Variants in CHD6 observed in about 807,000 individuals in gnomAD.
CHD6 encodes chromodomain helicase DNA binding protein 6.
Under a neutral mutation model 276.9 loss-of-function variants are expected in CHD6, and 50 were observed. That is an observed-to-expected ratio of 0.18 (90% CI 0.14 to 0.23). CHD6 has a LOEUF of 0.23. Among genes scored for constraint, CHD6 ranks in the 10% least tolerant of loss-of-function variants. The pLI is 1.00. For missense variants in CHD6, 2,564 were observed against 3,365.8 expected, an observed-to-expected ratio of 0.76 and a Z score of 5.89; for synonymous variants, 1,173 against 1,229.3, an observed-to-expected ratio of 0.95 and a Z score of 0.96.
At chr20:41,414,952 T>C (rs2145418685) in intron 34 of CHD6, 1 of 1,370,486 alleles carries the variant, frequency 7.3e-7, no homozygotes, top group East Asian at 2.8e-5. Flanking sequence ...CTATTTGAAA[T>C]GGCAAGACCT....
At chr20:41,512,487 G>C (rs1306453510) in intron 5 of CHD6, among the ~76,000 whole-genome samples, 1 of 151,564 alleles carries the variant, frequency 6.6e-6, no homozygotes, top group Admixed American at 6.6e-5. Flanking sequence ...GTCACGTAAA[G>C]CATCCCAAGC....
intron 5 of CHD6, among the ~76,000 whole-genome samples, 175 bp downstream of exon 5, chr20:41,512,671 G>A (rs2044149275): frequency 6.6e-6 from 1 of 152,150 alleles, no homozygotes; most frequent in Non-Finnish European, 1.5e-5. Context: ...GGGTCCTGCT[G>A]AGCACAGTAA....
rs1440442867 is a variant in CHD6 at position 41,421,031 on chromosome 20, TTCC to T, written c.5601_5603del (p.Glu1872del). On this transcript the variant is annotated inframe_deletion, in exon 31 of 37. Coordinates refer to ENST00000373233, the MANE Select transcript of CHD6 (RefSeq NM_032221.5). The stretch of plus-strand genomic sequence containing the variant: ...TTTCCTCCTCGTTTTCCTCCTCTTC[TTCC>T]TCCTCATCACTGTGGTTCTGACTCA... 4 of 1,613,822 alleles carry T rather than the reference TTCC, an allele frequency of 2.5e-6. No homozygotes were observed. Among genetic ancestry groups the T allele is most frequent in the Non-Finnish European group, 3.4e-6 (4 of 1,179,968 alleles).
rs954953041 is a variant in CHD6 at position 41,414,788 on chromosome 20, C to T, written c.6939+398G>A. 4 of 1,082,112 alleles carry T rather than the reference C, an allele frequency of 3.7e-6. No homozygotes were observed. The African/African-American group carries it at 6.5e-5, about 18-fold the overall frequency. 67.0% of individuals were successfully genotyped at this position (1,082,112 alleles called of 1,614,324 possible). On this transcript the variant is annotated intron_variant, in intron 34 of 36. Transcript: ENST00000373233. The stretch of plus-strand genomic sequence containing the variant: ...CAAGCAGAAGAGCCAGGATCACATT[C>T]AGGTAGCCCTGACTCCTGTTCTTTC...
intron 2 of CHD6, among the ~76,000 whole-genome samples, chr20:41,546,204 AAAT>A (rs1450493507): frequency 6.6e-6 from 1 of 152,188 alleles, no homozygotes; most frequent in African/African-American, 2.4e-5. Context: ...CCAGGGAAGA[AAAT>A]AAGGTCTAAT....
chr20:41,560,870 C>A (rs2045294315), intron 1 of CHD6, among the ~76,000 whole-genome samples: 1 of 151,826 alleles, frequency 6.6e-6, no homozygotes, highest in Non-Finnish European at 1.5e-5. Context: ...TTCTACTCCC[C>A]ACTCCTGATT....
chr20:41,616,818 ACTCT>A (rs923205908), intron 1 of CHD6, among the ~76,000 whole-genome samples: 4 of 151,310 alleles, frequency 2.6e-5, no homozygotes, highest in African/African-American at 7.3e-5. Context: ...GTTCACAAAA[ACTCT>A]CTCTCTGAGG....
rs138546418 is a variant in CHD6, at chr20:41,440,960, G to A, written c.3878-831C>T. Among the ~76,000 whole-genome samples the A allele has an allele frequency of 4.6e-5, 7 of 152,234 alleles. No homozygotes were observed. The East Asian group carries it at 9.6e-4, about 21-fold the overall frequency. On this transcript the variant is annotated intron_variant, in intron 25 of 36. Coordinates refer to ENST00000373233, the MANE Select transcript of CHD6 (RefSeq NM_032221.5). Reference sequence around the variant, plus strand: ...CATTTCTATTTTGGTTTTTGTTCTCGTATCACTGTTGATGCAGTTGTATCC... The same window carrying A: ...CATTTCTATTTTGGTTTTTGTTCTCATATCACTGTTGATGCAGTTGTATCC...
intron 5 of CHD6, among the ~76,000 whole-genome samples, chr20:41,504,055 G>C (rs2043907714): frequency 8.6e-6 from 1 of 116,160 alleles, no homozygotes; most frequent in Non-Finnish European, 1.6e-5. Flanking sequence ...TCCAGCTTGG[G>C]TGATAGAGTG....
Position 41,512,893 on chromosome 20 carries a change from C to T in CHD6, c.805G>A (p.Gly269Ser). 6.2e-7 allele frequency: 1 copy of T among 1,614,024 alleles called. No individual in the cohort carries two copies. Among genetic ancestry groups the T allele is most frequent in the Non-Finnish European group, 8.5e-7 (1 of 1,179,950 alleles). The change falls in exon 5 of 37, where the codon GGT becomes AGT. Residue 269 changes from glycine (G) to serine (S), a missense_variant. Physicochemically the swap from Gly to Ser is moderately conservative, Grantham distance 56. Coordinates refer to ENST00000373233, the MANE Select transcript of CHD6 (RefSeq NM_032221.5). Reference protein sequence around the residue: ...DGETIAVLGAGRTSALSASTL... With the variant: ...DGETIAVLGASRTSALSASTL... ...GAGGCTGAGAGTGCAGATGTTCGAC[C>T]AGCTCCAAGAACAGCAATTGTTTCC...
intron 25 of CHD6, 69 bp downstream of exon 25, chr20:41,445,596 G>A: frequency 2.1e-6 from 2 of 940,818 alleles, no homozygotes; most frequent in Admixed American, 1.9e-5. Context: ...GAGCTTAGTT[G>A]GAGGGGCTGA....
chr20:41,570,534 C>T (rs1367285371), intron 1 of CHD6, among the ~76,000 whole-genome samples: 2 of 152,182 alleles, frequency 1.3e-5, no homozygotes, highest in Non-Finnish European at 2.9e-5. Context: ...TCTTCCTTCA[C>T]CCCCAAATGA....
intron 6 of CHD6, among the ~76,000 whole-genome samples, chr20:41,498,821 G>A (rs1302556198): frequency 3.6e-5 from 3 of 84,080 alleles, no homozygotes; most frequent in African/African-American, 1.2e-4. Context: ...ATGTGTGTGT[G>A]TGTGTGTGTG....
In CHD6 at chr20:41,447,412, T is replaced by C. The variant is rs143929705; in HGVS notation, c.3773+470A>G. 3.0e-3 allele frequency among the ~76,000 whole-genome samples: 458 copies of C among 152,344 alleles called. 2 individuals are homozygous for C. The highest frequency in any genetic ancestry group is 0.01 in the African/African-American group (430 of 41,582). ...CTTGGGATACTCCCACAGGATTCTA[T>C]AGCTTTCCAAACACTAATTTGCAAA... is the stretch of plus-strand genomic sequence containing the variant. On this transcript the variant is annotated intron_variant, in intron 24 of 36. Coordinates refer to ENST00000373233, the MANE Select transcript of CHD6 (RefSeq NM_032221.5).
At position 41,451,083 on chromosome 20, in the gene CHD6, T is replaced by A; in HGVS notation, c.3546A>T (p.Arg1182Ser). Residue 1182 changes from arginine to serine, a missense_variant, in exon 23 of 37, where the codon AGA becomes AGT. Arg to Ser is a moderately radical substitution (Grantham distance 110). This residue lies in a region of CHD6 where 515 missense variants were observed against 739.5 expected (regional missense o/e 0.70). Transcript: ENST00000373233. ...NHSGLSAPVP[R>S]GRKGKKTKNQ... ...TCTTCGTCTTCTTCCCCTTCCTCCC[T>A]CTGGGGACTGGGGCAGATAAGCCTG... 1 of 1,613,906 alleles carries A rather than the reference T, an allele frequency of 6.2e-7. No individual in the cohort carries two copies. Among genetic ancestry groups the A allele is most frequent in the Non-Finnish European group, 8.5e-7 (1 of 1,179,848 alleles).
intron 1 of CHD6, among the ~76,000 whole-genome samples, chr20:41,584,548 C>T (rs903595209): frequency 6.6e-6 from 1 of 152,042 alleles, no homozygotes; most frequent in South Asian, 2.1e-4. Flanking sequence ...GAACATGGAA[C>T]GTTCACCAAT....
rs142930892 is a variant in CHD6, at chr20:41,428,552, C to T, written c.4069-2399G>A. Among the ~76,000 whole-genome samples the T allele has an allele frequency of 3.9e-5, 6 of 152,328 alleles. No individual in the cohort carries two copies. The East Asian group carries it at 1.2e-3, about 29-fold the overall frequency. ...GATTGGTTACAATGTGCAATTTCTC[C>T]ATCTTGAGGACACACGTGGTTTGGA... On this transcript the variant is annotated intron_variant, in intron 27 of 36. Transcript: ENST00000373233.
rs1209128139 is a variant in CHD6, at chr20:41,426,134, C to T, written c.4088G>A (p.Gly1363Asp). ...QKQTESSSDGGDGVFSEKKDD... is the reference protein window; with the variant it reads ...QKQTESSSDGDDGVFSEKKDD... ...CTTCTTTTCGCTAAAAACGCCATCA[C>T]CTCCATCACTGGAACTCTCCTAGGG... Residue 1363 changes from glycine to aspartate, a missense_variant, in exon 28 of 37, where the codon GGT becomes GAT. By Grantham distance (94) the Gly-to-Asp change is moderately conservative (BLOSUM62 -1). Transcript: ENST00000373233. 1 of 1,613,514 alleles carries T rather than the reference C, an allele frequency of 6.2e-7. No homozygotes were observed. The highest frequency in any genetic ancestry group is 1.7e-5 in the Admixed American group (1 of 60,034).
chr20:41,560,339 C>T (rs967516565), intron 1 of CHD6, among the ~76,000 whole-genome samples: 1 of 152,192 alleles, frequency 6.6e-6, no homozygotes, highest in African/African-American at 2.4e-5. Context: ...CTATACTGAA[C>T]ACCTGTGGGT....
Sources: gnomAD v4.1 joint callset for allele counts (sites outside exome capture counted in the v4.1 genomes callset) on GRCh38, gnomAD v4.1.1 for gene constraint, gnomAD v4.1.1 regional missense constraint, MANE v1.5 for transcripts, NCBI Gene and HGNC (gene_info 2026-07-23, HGNC 2026-07-21) for gene names.